The following IFT88 variants were observed in gnomAD, a reference collection of about 807,000 sequenced individuals.
The protein encoded by IFT88 is intraflagellar transport 88.
IFT88 carries 74 observed loss-of-function variants against 119.5 expected under a neutral mutation model. That is an observed-to-expected ratio of 0.62 (90% CI 0.51 to 0.75). IFT88 has a LOEUF of 0.75. Among genes scored for constraint, IFT88 ranks in the 30% least tolerant of loss-of-function variants. The probability of loss-of-function intolerance (pLI) is 0.00; values close to 1 mark genes in which losing one functional copy is unlikely to be tolerated. For missense variants in IFT88, 961 were observed against 977.7 expected (o/e 0.98, Z 0.23); for synonymous variants, 279 against 316.7 (o/e 0.88, Z 1.26).
intron 21 of IFT88, among the ~76,000 whole-genome samples, chr13:20,655,737 A>G (rs2052662017): frequency 6.6e-6 from 1 of 151,960 alleles, no homozygotes; most frequent in African/African-American, 2.4e-5. Context: ...CAAGTGGTCC[A>G]CCCACCTCAG....
At chr13:20,617,591 A>C (rs144365472) in intron 14 of IFT88, among the ~76,000 whole-genome samples, 262 of 152,286 alleles carry the variant, frequency 1.7e-3, no homozygotes, top group Non-Finnish European at 3.1e-3. Context: ...AAGTTGGGCC[A>C]ATTTTTCATC....
chr13:20,654,084 A>G (rs556100451), intron 21 of IFT88, among the ~76,000 whole-genome samples, 156 bp downstream of exon 21: 107 of 152,324 alleles, frequency 7.0e-4, no homozygotes, highest in African/African-American at 1.9e-3. Context: ...AAACACAATA[A>G]TTACTACATA....
At chr13:20,604,903 C>T (rs1324777197) in intron 12 of IFT88, 132 bp from the exon 13 acceptor site, 7 of 449,384 alleles carry the variant, frequency 1.6e-5, no homozygotes, top group Non-Finnish European at 2.8e-5. Flanking sequence ...CTGCAGTGAG[C>T]CATGATCATG....
chr13:20,642,867 G>C (rs182540483), intron 18 of IFT88: 63 of 151,542 alleles, frequency 4.2e-4, no homozygotes, highest in African/African-American at 1.5e-3. Flanking sequence ...TGAAAACAAT[G>C]CTTCTTTTTC....
At chr13:20,647,691 A>C (rs2050957091) in intron 20 of IFT88, among the ~76,000 whole-genome samples, 1 of 152,174 alleles carries the variant, frequency 6.6e-6, no homozygotes, top group Non-Finnish European at 1.5e-5. Flanking sequence ...GATTGTGATG[A>C]TGGTTATTAT....
chr13:20,576,807 AGTTTT>A (rs2037471188), intron 2 of IFT88, among the ~76,000 whole-genome samples: 1 of 152,060 alleles, frequency 6.6e-6, no homozygotes, highest in Non-Finnish European at 1.5e-5. Flanking sequence ...GTAATTCTTC[AGTTTT>A]GTTCTTTTTG....
chr13:20,632,140 A>C (rs1292068860), intron 16 of IFT88: 1 of 5,598 alleles, frequency 1.8e-4, no homozygotes. Flanking sequence ...CCTTGTCTCC[A>C]AAAAAAAAAA....
chr13:20,623,601 A>G (rs753995943), intron 14 of IFT88, among the ~76,000 whole-genome samples: 2 of 152,094 alleles, frequency 1.3e-5, no homozygotes, highest in Non-Finnish European at 2.9e-5. Context: ...CAGCCTCCCA[A>G]GTAGCTGGGA....
chr13:20,574,549 T>C (rs1441199738), intron 2 of IFT88, 74 bp downstream of exon 2: 6 of 731,364 alleles, frequency 8.2e-6, no homozygotes, highest in Non-Finnish European at 1.4e-5. Context: ...GATTTGAGAG[T>C]TCTACTTTAT....
intron 2 of IFT88, among the ~76,000 whole-genome samples, chr13:20,575,859 ATTTCT>A (rs1337542709): frequency 8.5e-5 from 13 of 152,090 alleles, no homozygotes; most frequent in African/African-American, 2.7e-4. Context: ...GTACATACTG[ATTTCT>A]TTTCGTTTGA....
chr13:20,573,769 A>C (rs1367045137), intron 1 of IFT88, among the ~76,000 whole-genome samples: 1 of 152,102 alleles, frequency 6.6e-6, no homozygotes, highest in Non-Finnish European at 1.5e-5. Flanking sequence ...TCTGCCTTGC[A>C]TTTTAATTGA....
intron 3 of IFT88, among the ~76,000 whole-genome samples, chr13:20,588,617 T>A (rs1227834996): frequency 6.6e-6 from 1 of 152,202 alleles, no homozygotes; most frequent in Admixed American, 6.5e-5. Context: ...CTACTTACAT[T>A]TCATATGTTT....
chr13:20,633,029 G>A (rs190703138), intron 16 of IFT88, among the ~76,000 whole-genome samples: 118 of 152,288 alleles, frequency 7.7e-4, no homozygotes, highest in Non-Finnish European at 1.4e-3. Context: ...CAATCTACTG[G>A]TAGGAGAGTG....
chr13:20,607,774 A>G, intron 13 of IFT88: 2 of 747,614 alleles, frequency 2.7e-6, no homozygotes, highest in South Asian at 2.7e-5. Context: ...TGCCTTCAGC[A>G]TCCTCAACCT....
Position 20,667,609 on chromosome 13 carries a change from ATT to A in IFT88, c.2176-3351_2176-3350del, listed in dbSNP as rs11334503. Among the ~76,000 whole-genome samples the A allele has an allele frequency of 5.0e-3, 705 of 141,546 alleles. 1 individual carries two copies. The highest frequency in any genetic ancestry group is 7.4e-3 in the African/African-American group (285 of 38,588). The allele number at this position is 141,546 out of a possible 152,430, so 92.9% of individuals were successfully genotyped here. ...TTTTTGTTTTTGTTTTCTTTTTTGT[ATT>A]TTTTTTTTTTTTAGTAGAGGCAGGG... On this transcript the variant is annotated intron_variant, in intron 23 of 25. Transcript: ENST00000351808.
chr13:20,644,869 T>G lies in IFT88; in HGVS notation c.1860T>G (p.Ile620Met), dbSNP rs2050496681. The part of the protein sequence containing the change: ...YESYRYFPCN[I>M]EVIEWLGAYY... ...CATATAGGTATTTTCCTTGTAATAT[T>G]GAAGTCATTGAGTGGCTTGGAGCCT... Residue 620 changes from isoleucine (I) to methionine (M), a missense_variant, in exon 20 of 26, where the codon ATT becomes ATG. Physicochemically the swap from Ile to Met is conservative, Grantham distance 10. Transcript: ENST00000351808. 1.3e-6 allele frequency: 2 copies of G among 1,586,150 alleles called. No homozygotes were observed. The highest frequency in any genetic ancestry group is 1.7e-6 in the Non-Finnish European group (2 of 1,158,958).
chr13:20,592,252 C>A, intron 6 of IFT88, 83 bp from the exon 7 acceptor site: 2 of 970,872 alleles, frequency 2.1e-6, no homozygotes, highest in Admixed American at 2.2e-5. Flanking sequence ...AATGAAATAG[C>A]TTATGCGAGG....
At chr13:20,675,298 A>T (rs557785035) in intron 24 of IFT88, among the ~76,000 whole-genome samples, 1 of 152,160 alleles carries the variant, frequency 6.6e-6, no homozygotes, top group African/African-American at 2.4e-5. Context: ...TCTAAGGATC[A>T]TGCCTGTCAG....
chr13:20,664,850 T>A (rs778970493), intron 23 of IFT88, among the ~76,000 whole-genome samples: 1 of 152,014 alleles, frequency 6.6e-6, no homozygotes, highest in Non-Finnish European at 1.5e-5. Context: ...GAGGCCAAGG[T>A]GGGCAGATCA....
Sources: allele counts gnomAD v4.1 joint callset (sites outside exome capture counted in the v4.1 genomes callset), GRCh38; gene constraint gnomAD v4.1.1; transcripts MANE v1.5; gene names NCBI Gene and HGNC (gene_info 2026-07-23, HGNC 2026-07-21).